Variants in ST6GALNAC3 observed in about 807,000 individuals in gnomAD.
ST6GALNAC3 encodes the protein ST6 N-acetylgalactosaminide alpha-2,6-sialyltransferase 3.
Under a neutral mutation model 32.7 loss-of-function variants are expected in ST6GALNAC3, and 25 were observed. That is an observed-to-expected ratio of 0.76 (90% confidence interval 0.56 to 1.07). ST6GALNAC3 has a LOEUF of 1.07. Among genes scored for constraint, ST6GALNAC3 ranks in the 50% least tolerant of loss-of-function variants. The pLI, the probability that ST6GALNAC3 is intolerant of heterozygous loss-of-function variation, is 0.00. For synonymous variants in ST6GALNAC3, 129 were observed against 133.1 expected (o/e 0.97, Z 0.21); for missense variants, 355 against 382.4 (o/e 0.93, Z 0.60).
intron 3 of ST6GALNAC3, among the ~76,000 whole-genome samples, chr1:76,455,205 T>C (rs557543217): frequency 5.9e-5 from 9 of 152,324 alleles, no homozygotes; most frequent in African/African-American, 1.9e-4. Flanking sequence ...TTTACATCTA[T>C]CATTATTTTC....
intron 3 of ST6GALNAC3, among the ~76,000 whole-genome samples, chr1:76,441,020 G>C (rs1656543149): frequency 6.6e-6 from 1 of 150,848 alleles, no homozygotes; most frequent in Non-Finnish European, 1.5e-5. Flanking sequence ...CTTGGGAGGT[G>C]GTGGTTGTGG....
chr1:76,509,348 A>G lies in ST6GALNAC3; in HGVS notation c.623+96931A>G, dbSNP rs750981396. On this transcript the variant is annotated intron_variant, in intron 3 of 4. Coordinates refer to ENST00000328299, the MANE Select transcript of ST6GALNAC3 (RefSeq NM_152996.4). This position sits in a 1 kb window ranked among gnomAD's most constrained non-coding sequence, Gnocchi z 5.5. ...CAGTAAACTAGCTTGAGTCAGATGA[A>G]CTTCATATTAAGAATGGGTGGAAAT... Among the ~76,000 whole-genome samples, 26 of 152,172 alleles carry G rather than the reference A, an allele frequency of 1.7e-4. No individual in the cohort carries two copies. The highest frequency in any genetic ancestry group is 2.9e-4 in the Non-Finnish European group (20 of 68,034).
intron 3 of ST6GALNAC3, among the ~76,000 whole-genome samples, chr1:76,619,643 T>G (rs562053196): frequency 2.0e-4 from 31 of 152,134 alleles, no homozygotes; most frequent in Non-Finnish European, 3.4e-4. Flanking sequence ...AACATCAAGA[T>G]ATCTCTAATA....
At chr1:76,301,253 G>A (rs1660711171) in intron 1 of ST6GALNAC3, among the ~76,000 whole-genome samples, 1 of 152,018 alleles carries the variant, frequency 6.6e-6, no homozygotes, top group African/African-American at 2.4e-5. Flanking sequence ...GAGTGGATCA[G>A]AGAGGCAGAG....
At chr1:76,459,247 A>G (rs897185830) in intron 3 of ST6GALNAC3, among the ~76,000 whole-genome samples, 1 of 152,204 alleles carries the variant, frequency 6.6e-6, no homozygotes, top group Non-Finnish European at 1.5e-5. Context: ...ATAAGGCATC[A>G]TGGCCCAGTA....
intron 1 of ST6GALNAC3, among the ~76,000 whole-genome samples, chr1:76,219,935 C>T (rs1655673269): frequency 1.3e-5 from 2 of 152,214 alleles, no homozygotes; most frequent in East Asian, 1.9e-4. Context: ...CAACCCTGAG[C>T]AATTCCTGTG....
chr1:76,145,063 C>T (rs147514986), intron 1 of ST6GALNAC3, among the ~76,000 whole-genome samples: 303 of 152,306 alleles, frequency 2.0e-3, no homozygotes, highest in African/African-American at 7.1e-3. Flanking sequence ...TGAACGTCAA[C>T]CCAGGCTTGT....
chr1:76,253,522 T>C lies in ST6GALNAC3; in HGVS notation c.19-60283T>C, dbSNP rs982665951. On this transcript the variant is annotated intron_variant, in intron 1 of 4. Transcript: ENST00000328299. ...TGTCAACACACCCCATCCCAAAATG[T>C]TGTAAAGTGCCAGACTTCTTAGGGT... is the stretch of plus-strand genomic sequence containing the variant. Among the ~76,000 whole-genome samples, 7 of 152,152 alleles carry C rather than the reference T, an allele frequency of 4.6e-5. No individual in the cohort carries two copies. The East Asian group carries it at 1.2e-3, about 25-fold the overall frequency.
chr1:76,170,590 T>A (rs374091086), intron 1 of ST6GALNAC3, among the ~76,000 whole-genome samples: 25 of 152,236 alleles, frequency 1.6e-4, no homozygotes, highest in Admixed American at 6.5e-4. Context: ...AGAAGAGAGA[T>A]CTGTGGTTCT....
chr1:76,627,832 CAGA>C (rs1312167832), intron 4 of ST6GALNAC3, among the ~76,000 whole-genome samples: 1 of 151,864 alleles, frequency 6.6e-6, no homozygotes, highest in East Asian at 1.9e-4. Context: ...CTTGAAAATA[CAGA>C]AGAAGTTTAG....
At chr1:76,098,296 G>A (rs762063924) in intron 1 of ST6GALNAC3, among the ~76,000 whole-genome samples, 3 of 152,126 alleles carry the variant, frequency 2.0e-5, no homozygotes, top group Admixed American at 2.0e-4. Flanking sequence ...TAGACTGCAC[G>A]ATCACAATGC....
At chr1:76,261,765 C>A (rs559537810) in intron 1 of ST6GALNAC3, among the ~76,000 whole-genome samples, 1 of 152,272 alleles carries the variant, frequency 6.6e-6, no homozygotes, top group African/African-American at 2.4e-5. Context: ...TCTCTGAGGG[C>A]CCTAACTCCC....
At chr1:76,162,333 A>C (rs1651862911) in intron 1 of ST6GALNAC3, among the ~76,000 whole-genome samples, 1 of 152,238 alleles carries the variant, frequency 6.6e-6, no homozygotes, top group Non-Finnish European at 1.5e-5. Flanking sequence ...CGTTGTAGCC[A>C]GATAAGTCTC....
At chr1:76,222,195 T>G (rs941728964) in intron 1 of ST6GALNAC3, among the ~76,000 whole-genome samples, 1 of 152,166 alleles carries the variant, frequency 6.6e-6, no homozygotes, top group Admixed American at 6.5e-5. Context: ...CTGGGATAAC[T>G]GGCTAGCCAT....
intron 2 of ST6GALNAC3, among the ~76,000 whole-genome samples, chr1:76,371,634 C>T (rs1570996822): frequency 1.3e-5 from 2 of 152,120 alleles, no homozygotes; most frequent in Non-Finnish European, 2.9e-5. Flanking sequence ...GTAGCGAGTC[C>T]GAGATTCTCT....
intron 2 of ST6GALNAC3, among the ~76,000 whole-genome samples, chr1:76,336,500 A>G (rs1395111225): frequency 6.6e-6 from 1 of 152,216 alleles, no homozygotes; most frequent in Non-Finnish European, 1.5e-5. Context: ...ATCTGAGCAC[A>G]TTGGGCACTT....
chr1:76,133,578 T>C (rs900217799), intron 1 of ST6GALNAC3, among the ~76,000 whole-genome samples: 10 of 152,224 alleles, frequency 6.6e-5, no homozygotes, highest in Admixed American at 1.3e-4. Context: ...TGGCCAAAAT[T>C]TCTGCCAGCT....
intron 3 of ST6GALNAC3, among the ~76,000 whole-genome samples, chr1:76,587,388 G>A (rs967232923): frequency 3.3e-5 from 5 of 152,152 alleles, no homozygotes; most frequent in South Asian, 2.1e-4. Flanking sequence ...TCTCCTCAGC[G>A]CCTGTGTGTC....
chr1:76,248,696 C>A (rs1049381327), intron 1 of ST6GALNAC3, among the ~76,000 whole-genome samples: 14 of 152,248 alleles, frequency 9.2e-5, no homozygotes, highest in Middle Eastern at 3.4e-3. Context: ...CATATCTCCT[C>A]TTGTCTTCTC....
Sources: gnomAD v4.1 joint callset for allele counts (sites outside exome capture counted in the v4.1 genomes callset) on GRCh38, gnomAD v4.1.1 for gene constraint, Gnocchi (gnomAD v3.1) non-coding constraint, MANE v1.5 for transcripts, NCBI Gene and HGNC (gene_info 2026-07-23, HGNC 2026-07-21) for gene names.